RIMS2: variants seen among roughly 807,000 people sequenced by gnomAD.
RIMS2 encodes the protein regulating synaptic membrane exocytosis protein 2.
Under a neutral mutation model 174.4 loss-of-function variants are expected in RIMS2, and 59 were observed. That is an observed-to-expected ratio of 0.34 (90% CI 0.27 to 0.42). The LOEUF (loss-of-function observed/expected upper bound fraction) is 0.42, where lower values mean the gene tolerates loss of function less well. Ranked by LOEUF, RIMS2 falls within the 10% of genes least tolerant of loss-of-function variation. The pLI, the probability that RIMS2 is intolerant of heterozygous loss-of-function variation, is 1.00. For missense variants in RIMS2, 1,620 were observed against 1,666.3 expected, an observed-to-expected ratio of 0.97 and a Z score of 0.48; for synonymous variants, 606 against 572.5, an observed-to-expected ratio of 1.06 and a Z score of -0.84.
At chr8:103,652,164 C>T (rs117441931) in intron 1 of RIMS2, 41 bp from the exon 2 acceptor site, 24,492 of 1,214,144 alleles carry the variant, frequency 0.02, 299 homozygotes, top group Non-Finnish European at 0.024. Flanking sequence ...GAAATCTCTT[C>T]ATAGTACAGT....
chr8:103,786,194 A>C (rs1325445401), intron 3 of RIMS2, among the ~76,000 whole-genome samples: 3 of 151,970 alleles, frequency 2.0e-5, no homozygotes, highest in Admixed American at 6.6e-5. Context: ...GTGGTCTATC[A>C]ATTTTGTTGA....
chr8:103,670,777 C>G (rs1257490254), intron 1 of RIMS2, among the ~76,000 whole-genome samples: 1 of 152,178 alleles, frequency 6.6e-6, no homozygotes, highest in Non-Finnish European at 1.5e-5. Context: ...GCATTTTGGT[C>G]AAAGCCATTC....
At chr8:103,583,811 A>C (rs1374745449) in intron 1 of RIMS2, among the ~76,000 whole-genome samples, 1 of 152,228 alleles carries the variant, frequency 6.6e-6, no homozygotes, top group Non-Finnish European at 1.5e-5. Flanking sequence ...TGTAAGTGTT[A>C]TTGTCCTTAA....
intron 17 of RIMS2, among the ~76,000 whole-genome samples, chr8:103,992,556 G>A (rs1441752831): frequency 3.3e-5 from 5 of 152,148 alleles, no homozygotes; most frequent in Non-Finnish European, 7.4e-5. Context: ...AGACTATAAT[G>A]AGTGAGAAAA....
intron 3 of RIMS2, among the ~76,000 whole-genome samples, chr8:103,848,422 G>A (rs2098979339): frequency 6.6e-6 from 1 of 152,008 alleles, no homozygotes; most frequent in African/African-American, 2.4e-5. Flanking sequence ...ACATGTTTGG[G>A]CATCTTCCTT....
intron 1 of RIMS2, among the ~76,000 whole-genome samples, chr8:103,640,291 C>T (rs963189186): frequency 6.6e-6 from 1 of 151,660 alleles, no homozygotes; most frequent in African/African-American, 2.4e-5. Context: ...CTTGATTAGC[C>T]TAGCTAGGAA....
chr8:104,151,811 A>T (rs1406678332), intron 19 of RIMS2, among the ~76,000 whole-genome samples: 4 of 152,168 alleles, frequency 2.6e-5, no homozygotes, highest in African/African-American at 9.7e-5. Context: ...GAAGAATTAT[A>T]CAGATAAAAC....
intron 2 of RIMS2, among the ~76,000 whole-genome samples, chr8:103,715,263 A>G (rs2097354102): frequency 6.6e-6 from 1 of 152,048 alleles, no homozygotes; most frequent in Admixed American, 6.6e-5. Flanking sequence ...TCAGCCCATC[A>G]CCTAGGTATT....
intron 2 of RIMS2, among the ~76,000 whole-genome samples, chr8:103,754,955 A>G (rs1381210594): frequency 2.0e-5 from 3 of 152,134 alleles, no homozygotes; most frequent in African/African-American, 7.2e-5. Context: ...TTATGTGTGA[A>G]TTTGATCCTG....
intron 19 of RIMS2, among the ~76,000 whole-genome samples, chr8:104,204,566 A>T (rs998897989): frequency 3.3e-5 from 5 of 151,884 alleles, no homozygotes; most frequent in African/African-American, 1.2e-4. Flanking sequence ...TGCTCATAAA[A>T]ATATTAAACA....
chr8:103,789,132 G>A (rs926074323), intron 3 of RIMS2, among the ~76,000 whole-genome samples: 17 of 152,058 alleles, frequency 1.1e-4, no homozygotes, highest in African/African-American at 1.9e-4. Context: ...GCTTCGGCTC[G>A]TGCACGGTGC....
chr8:103,961,662 C>A (rs1205004915), intron 15 of RIMS2, among the ~76,000 whole-genome samples: 2 of 152,008 alleles, frequency 1.3e-5, no homozygotes, highest in Non-Finnish European at 2.9e-5. Flanking sequence ...AAGTATATAT[C>A]TTTTCTGCAA....
chr8:103,670,917 T>A (rs547347167), intron 1 of RIMS2, among the ~76,000 whole-genome samples: 3 of 152,278 alleles, frequency 2.0e-5, no homozygotes, highest in African/African-American at 7.2e-5. Flanking sequence ...ACCTTTACAG[T>A]AGCACCCCAC....
chr8:103,594,352 A>G (rs548037754), intron 1 of RIMS2, among the ~76,000 whole-genome samples: 2 of 151,828 alleles, frequency 1.3e-5, no homozygotes, highest in East Asian at 3.9e-4. Flanking sequence ...TGGAGAAAAT[A>G]CATGTGTTAG....
chr8:103,931,507 G>A, intron 12 of RIMS2, 114 bp downstream of exon 14: 1 of 651,152 alleles, frequency 1.5e-6, no homozygotes, highest in Non-Finnish European at 2.4e-6. Flanking sequence ...GATATGTGAA[G>A]TTTAACATAA....
In RIMS2 at chr8:103,508,475, AG is replaced by A. The variant is rs1428426472; in HGVS notation, c.176+7414del. 1.1e-3 allele frequency among the ~76,000 whole-genome samples: 153 copies of A among 139,814 alleles called. 1 individual carries two copies. The highest frequency in any genetic ancestry group is 3.6e-3 in the African/African-American group (138 of 38,816). 91.7% of individuals were successfully genotyped at this position (139,814 alleles called of 152,430 possible). ...CATTTGTTAAAAAAAAAAAAAAAAA[AG>A]AAGACGATGCAGGACATGGTCAAGA... On this transcript the variant is annotated intron_variant, in intron 1 of 23. Coordinates refer to ENST00000504942, the Ensembl canonical transcript of RIMS2.
exon 18 of RIMS2, chr8:104,013,496 A>T: frequency 6.2e-7 from 1 of 1,613,924 alleles, no homozygotes; most frequent in Non-Finnish European, 8.5e-7. Context: ...CAACAGAACA[A>T]CGGCCTCTCC....
intron 19 of RIMS2, among the ~76,000 whole-genome samples, chr8:104,220,078 A>AGT (rs2099148252): frequency 6.6e-6 from 1 of 152,164 alleles, no homozygotes; most frequent in African/African-American, 2.4e-5. Context: ...CAATAATTTC[A>AGT]GTATATTCCA....
At chr8:103,718,435 A>T (rs887766234) in intron 2 of RIMS2, among the ~76,000 whole-genome samples, 17 of 152,078 alleles carry the variant, frequency 1.1e-4, no homozygotes, top group Non-Finnish European at 2.5e-4. Context: ...TTTGTCTTCT[A>T]GTGTATAGTT....
Sources: allele counts gnomAD v4.1 joint callset (sites outside exome capture counted in the v4.1 genomes callset), GRCh38; gene constraint gnomAD v4.1.1; transcripts MANE v1.5; gene names NCBI Gene and HGNC (gene_info 2026-07-23, HGNC 2026-07-21).